GDPD1: variants seen among roughly 807,000 people sequenced by gnomAD.
GDPD1 encodes glycerophosphodiester phosphodiesterase domain containing 1.
A neutral mutation model predicts 45.1 loss-of-function variants in GDPD1; 28 were observed. The ratio of observed to expected loss-of-function variants is 0.62; its 90% CI spans 0.46 to 0.85. The LOEUF is 0.85. Ranked by LOEUF, GDPD1 falls within the 40% of genes least tolerant of loss-of-function variation. The probability of loss-of-function intolerance (pLI) is 0.00; values close to 1 mark genes in which losing one functional copy is unlikely to be tolerated. For synonymous variants in GDPD1, 139 were observed against 131.4 expected (o/e 1.06, Z -0.40); for missense variants, 256 against 364.8 (o/e 0.70, Z 2.43).
chr17:59,239,967 T>A (rs2047162829), intron 2 of GDPD1, among the ~76,000 whole-genome samples: 1 of 151,990 alleles, frequency 6.6e-6, no homozygotes, highest in Non-Finnish European at 1.5e-5. Context: ...CCCAAAATGC[T>A]GAGATTATAG....
intron 2 of GDPD1, among the ~76,000 whole-genome samples, chr17:59,235,703 G>T (rs1318052039): frequency 6.6e-6 from 1 of 151,890 alleles, no homozygotes; most frequent in Non-Finnish European, 1.5e-5. Context: ...TGTAAGCCCA[G>T]CTACTCGGGA....
chr17:59,231,052 G>A (rs577556862), intron 1 of GDPD1, among the ~76,000 whole-genome samples: 26 of 152,240 alleles, frequency 1.7e-4, no homozygotes, highest in South Asian at 1.0e-3. Flanking sequence ...CTACCAAAAA[G>A]GCATGCATGG....
intron 6 of GDPD1, among the ~76,000 whole-genome samples, chr17:59,266,709 C>G (rs1460814676): frequency 6.6e-6 from 1 of 152,008 alleles, no homozygotes; most frequent in African/African-American, 2.4e-5. Flanking sequence ...ATATATTCAT[C>G]TTTTCATTTT....
intron 2 of GDPD1, 26 bp downstream of exon 2, chr17:59,234,560 T>C: frequency 6.6e-7 from 1 of 1,522,598 alleles, no homozygotes; most frequent in South Asian, 1.1e-5. Context: ...AGGTAAAAGG[T>C]ACTCTTTTCT....
At chr17:59,256,692 G>C (rs2047311874) in intron 4 of GDPD1, among the ~76,000 whole-genome samples, 3 of 152,142 alleles carry the variant, frequency 2.0e-5, no homozygotes, top group Non-Finnish European at 4.4e-5. Flanking sequence ...TCATGGTTGT[G>C]ATATTGTACT....
intron 7 of GDPD1, among the ~76,000 whole-genome samples, chr17:59,268,436 G>A (rs574472962): frequency 1.3e-5 from 2 of 151,548 alleles, no homozygotes; most frequent in African/African-American, 4.8e-5. Flanking sequence ...AAAATTCTCC[G>A]GGCGTGGTGG....
intron 1 of GDPD1, among the ~76,000 whole-genome samples, chr17:59,226,625 T>G (rs1568337064): frequency 6.6e-6 from 1 of 152,180 alleles, no homozygotes; most frequent in Non-Finnish European, 1.5e-5. Context: ...TGGTATTGTA[T>G]ATAAAACATT....
rs572456157 is a variant in GDPD1, at chr17:59,272,815, C to T, written c.801C>T (p.His267=). 4.3e-6 allele frequency: 7 copies of T among 1,613,594 alleles called. No individual in the cohort carries two copies. Among genetic ancestry groups the T allele is most frequent in the South Asian group, 2.2e-5 (2 of 91,076 alleles). ...LLLMRKALFD[H]LTARGIQVYI... ...TAATGAGGAAAGCTTTGTTTGACCACCTAACTGCTCGAGGCATTCAAGTAA... is the reference window on the plus strand; with the variant it reads ...TAATGAGGAAAGCTTTGTTTGACCATCTAACTGCTCGAGGCATTCAAGTAA... The change falls in exon 9 of 10, where the codon CAC becomes CAT. Residue 267 remains histidine, a synonymous_variant. Transcript: ENST00000284116.
intron 4 of GDPD1, among the ~76,000 whole-genome samples, chr17:59,254,091 G>A (rs961795863): frequency 1.3e-5 from 2 of 151,120 alleles, no homozygotes; most frequent in African/African-American, 4.9e-5. Context: ...GCCGGGTGCG[G>A]TGGCTCACGC....
At chr17:59,271,605 CTTATTTTATT>C (rs150984479) in intron 8 of GDPD1, among the ~76,000 whole-genome samples, 222 of 148,480 alleles carry the variant, frequency 1.5e-3, no homozygotes, top group African/African-American at 3.5e-3. Flanking sequence ...GCCTTTTCTT[CTTATTTTATT>C]TTATTTTATT....
chr17:59,246,942 A>AT (rs1198926235), intron 3 of GDPD1, among the ~76,000 whole-genome samples: 1 of 151,252 alleles, frequency 6.6e-6, no homozygotes, highest in Admixed American at 6.6e-5. Context: ...TAATTTTTGT[A>AT]TTTTTAGTAG....
At chr17:59,220,799 G>A in intron 1 of GDPD1, 48 bp downstream of exon 1, 1 of 1,590,968 alleles carries the variant, frequency 6.3e-7, no homozygotes, top group Non-Finnish European at 8.5e-7. Context: ...GGAGGCTGAG[G>A]GTCCTTTGCG....
At chr17:59,271,759 G>T (rs979471450) in intron 8 of GDPD1, among the ~76,000 whole-genome samples, 1 of 151,382 alleles carries the variant, frequency 6.6e-6, no homozygotes, top group African/African-American at 2.4e-5. Flanking sequence ...TCAGCCTCCC[G>T]AGTAGCTGGA....
chr17:59,265,273 G>A (rs753922375), intron 6 of GDPD1, among the ~76,000 whole-genome samples: 4 of 151,762 alleles, frequency 2.6e-5, no homozygotes, highest in South Asian at 2.1e-4. Flanking sequence ...GGTAGCTCAC[G>A]CTTGTCATTC....
intron 1 of GDPD1, among the ~76,000 whole-genome samples, chr17:59,228,854 T>C (rs986116015): frequency 4.6e-5 from 7 of 150,968 alleles, no homozygotes; most frequent in African/African-American, 1.7e-4. Context: ...CACTCCAGCC[T>C]GGGCAACAGA....
intron 2 of GDPD1, among the ~76,000 whole-genome samples, chr17:59,242,054 G>A (rs1167522123): frequency 6.6e-6 from 1 of 151,914 alleles, no homozygotes; most frequent in African/African-American, 2.4e-5. Flanking sequence ...ATATATTCTG[G>A]GTTTTTTTGT....
At chr17:59,261,591 G>T (rs1318526669) in intron 6 of GDPD1, among the ~76,000 whole-genome samples, 1 of 151,658 alleles carries the variant, frequency 6.6e-6, no homozygotes, top group Non-Finnish European at 1.5e-5. Flanking sequence ...TGACTTCCTG[G>T]GTTCAGATGG....
intron 2 of GDPD1, among the ~76,000 whole-genome samples, chr17:59,236,809 C>G (rs2047135702): frequency 6.6e-6 from 1 of 151,990 alleles, no homozygotes; most frequent in Admixed American, 6.6e-5. Context: ...CGCACCCAAC[C>G]TTTCATATGC....
chr17:59,220,809 G>A, intron 1 of GDPD1, 58 bp downstream of exon 1: 1 of 1,581,252 alleles, frequency 6.3e-7, no homozygotes, highest in Non-Finnish European at 8.6e-7. Context: ...GGTCCTTTGC[G>A]GCTCCGCAAA....
Sources: allele counts gnomAD v4.1 joint callset (sites outside exome capture counted in the v4.1 genomes callset), GRCh38; gene constraint gnomAD v4.1.1; transcripts MANE v1.5; gene names NCBI Gene and HGNC (gene_info 2026-07-23, HGNC 2026-07-21).